The following KIAA0825 variants were observed in gnomAD, a reference collection of about 807,000 sequenced individuals.
KIAA0825 encodes the protein KIAA0825.
Under a neutral mutation model 147.6 loss-of-function variants are expected in KIAA0825, and 119 were observed. The observed-to-expected ratio is 0.81, with a 90% confidence interval of 0.69 to 0.94. The LOEUF is 0.94. Ranked by LOEUF, KIAA0825 falls within the 40% of genes least tolerant of loss-of-function variation. The probability of loss-of-function intolerance (pLI) is 0.00; values close to 1 mark genes in which losing one functional copy is unlikely to be tolerated. For missense variants in KIAA0825, 1,381 were observed against 1,472.7 expected (o/e 0.94, Z 1.02); for synonymous variants, 470 against 518.1 (o/e 0.91, Z 1.26).
rs533008346 is a variant in KIAA0825, at chr5:94,528,425, A to T, written c.132-4327T>A. On this transcript the variant is annotated intron_variant, in intron 3 of 20. Transcript: ENST00000682413. ...TGAGAATGGCTCTTCAATGGTCCAG[A>T]TGCTTTACTCTGGCCATTCACACCT... 2.4e-4 allele frequency among the ~76,000 whole-genome samples: 36 copies of T among 152,322 alleles called. 1 individual carries two copies. In the East Asian group the frequency reaches 6.7e-3, roughly 29 times the overall value.
intron 20 of KIAA0825, among the ~76,000 whole-genome samples, chr5:94,177,275 T>C (rs1338109135): frequency 6.6e-6 from 1 of 152,090 alleles, no homozygotes; most frequent in Non-Finnish European, 1.5e-5. Flanking sequence ...CATCATTAAC[T>C]TTAAATTCTA....
In KIAA0825 at chr5:94,452,978, A is replaced by C. The variant is rs182850074; in HGVS notation, c.2338T>G (p.Phe780Val). 12 of 1,518,734 alleles carry C rather than the reference A, an allele frequency of 7.9e-6. No individual in the cohort carries two copies. Among genetic ancestry groups the C allele is most frequent in the Non-Finnish European group, 9.7e-6 (11 of 1,130,570 alleles). The allele number at this position is 1,518,734 out of a possible 1,614,324, so 94.1% of individuals were successfully genotyped here. A position where few individuals can be genotyped will look rare whatever the true frequency, so the allele number is the denominator to read the frequency against. Residue 780 changes from phenylalanine (F) to valine (V), a missense_variant, in exon 13 of 21, where the codon TTC becomes GTC. Physicochemically the swap from Phe to Val is conservative, Grantham distance 50. Transcript: ENST00000682413. ...PLYWVSCISH[F>V]YPSLLRTPSA... Reference sequence around the variant, plus strand: ...TCTCACCTGAGTAAAGAAGGGTAGAAATGTGATATGCAAGAAACCCAATAT... The same window carrying C: ...TCTCACCTGAGTAAAGAAGGGTAGACATGTGATATGCAAGAAACCCAATAT...
chr5:94,204,313 T>C (rs1439788990), intron 20 of KIAA0825, among the ~76,000 whole-genome samples: 3 of 152,160 alleles, frequency 2.0e-5, no homozygotes, highest in Non-Finnish European at 4.4e-5. Flanking sequence ...CAAGTTCACA[T>C]TAAAGTAGTT....
chr5:94,574,341 G>A (rs1164679479), intron 2 of KIAA0825, among the ~76,000 whole-genome samples: 2 of 151,932 alleles, frequency 1.3e-5, no homozygotes, highest in Admixed American at 6.6e-5. Flanking sequence ...TCAGGAGTTC[G>A]AGACCAGTCT....
intron 20 of KIAA0825, among the ~76,000 whole-genome samples, chr5:94,263,667 T>C (rs993856349): frequency 6.6e-5 from 10 of 151,792 alleles, no homozygotes; most frequent in African/African-American, 9.7e-5. Context: ...CTCTCTCTCT[T>C]TTTTTTTGCA....
At chr5:94,439,712 C>T (rs114009924) in intron 14 of KIAA0825, among the ~76,000 whole-genome samples, 280 of 152,164 alleles carry the variant, frequency 1.8e-3, no homozygotes, top group African/African-American at 6.2e-3. Flanking sequence ...TCAAACCCTG[C>T]GTATTGATAC....
chr5:94,211,636 G>A (rs966930257), intron 20 of KIAA0825, among the ~76,000 whole-genome samples: 1 of 152,084 alleles, frequency 6.6e-6, no homozygotes, highest in African/African-American at 2.4e-5. Flanking sequence ...GATTATTAAA[G>A]TAAGATCTAT....
chr5:94,394,275 T>C (rs1207442667), intron 17 of KIAA0825, among the ~76,000 whole-genome samples: 2 of 152,224 alleles, frequency 1.3e-5, no homozygotes, highest in Admixed American at 6.5e-5. Flanking sequence ...AAAATAACTT[T>C]AAAACTGCAC....
chr5:94,577,229 A>C (rs1220960163), intron 2 of KIAA0825, among the ~76,000 whole-genome samples: 1 of 152,198 alleles, frequency 6.6e-6, no homozygotes, highest in Non-Finnish European at 1.5e-5. Context: ...AAAATCCAGA[A>C]GAGATATTTT....
At chr5:94,163,155 G>T (rs548699569) in intron 20 of KIAA0825, among the ~76,000 whole-genome samples, 182 of 152,182 alleles carry the variant, frequency 1.2e-3, no homozygotes, top group Middle Eastern at 6.8e-3. Flanking sequence ...TGAGATAGTG[G>T]TATAAAGAAA....
At chr5:94,517,409 T>C (rs1053133266) in intron 5 of KIAA0825, among the ~76,000 whole-genome samples, 5 of 151,810 alleles carry the variant, frequency 3.3e-5, no homozygotes, top group African/African-American at 9.7e-5. Context: ...ATTAGACAGA[T>C]AGATAGATAG....
At chr5:94,565,094 C>T (rs1277042456) in intron 2 of KIAA0825, among the ~76,000 whole-genome samples, 41 of 51,846 alleles carry the variant, frequency 7.9e-4, no homozygotes, top group Middle Eastern at 0.011. Flanking sequence ...TTCTTGCTTT[C>T]CTTTTTTTTT....
intron 19 of KIAA0825, 43 bp from the exon 20 acceptor site, chr5:94,384,501 T>C (rs1430817880): frequency 1.4e-6 from 2 of 1,438,428 alleles, no homozygotes; most frequent in Non-Finnish European, 9.6e-7. Context: ...TAGTTATTAA[T>C]CAGAGTTAAT....
intron 20 of KIAA0825, among the ~76,000 whole-genome samples, chr5:94,313,755 C>T (rs888977271): frequency 6.6e-6 from 1 of 151,500 alleles, no homozygotes; most frequent in East Asian, 1.9e-4. Context: ...GCTAAACTCT[C>T]AAAGGTACTG....
intron 20 of KIAA0825, among the ~76,000 whole-genome samples, chr5:94,319,024 A>G (rs1779917863): frequency 6.6e-6 from 1 of 152,060 alleles, no homozygotes; most frequent in Middle Eastern, 3.4e-3. Flanking sequence ...TGTAGATGAT[A>G]GCACCAGGCT....
chr5:94,291,236 A>G (rs1234990449), intron 20 of KIAA0825, among the ~76,000 whole-genome samples: 1 of 151,954 alleles, frequency 6.6e-6, no homozygotes, highest in Non-Finnish European at 1.5e-5. Flanking sequence ...TAGGGTTTTT[A>G]TGGTTTTAGG....
Position 94,230,948 on chromosome 5 carries a change from T to G in KIAA0825, c.3711-76824A>C, listed in dbSNP as rs1202045292. 2.0e-5 allele frequency among the ~76,000 whole-genome samples: 3 copies of G among 152,160 alleles called. 1 individual carries two copies. The highest frequency in any genetic ancestry group is 7.2e-5 in the African/African-American group (3 of 41,442). On this transcript the variant is annotated intron_variant, in intron 20 of 20. Transcript: ENST00000682413. ...AATTGTTGTAGCCTCCAAATAGATA[T>G]TGATGCCATGAAGCCACAGGTGTTC...
intron 1 of KIAA0825, among the ~76,000 whole-genome samples, chr5:94,613,842 G>A (rs568148004): frequency 1.3e-5 from 2 of 152,260 alleles, no homozygotes; most frequent in Admixed American, 6.5e-5. Context: ...GAGGTGAGAG[G>A]GAGGCTAACG....
At chr5:94,268,084 CAG>C (rs1326993852) in intron 20 of KIAA0825, among the ~76,000 whole-genome samples, 1 of 151,692 alleles carries the variant, frequency 6.6e-6, no homozygotes, top group Non-Finnish European at 1.5e-5. Context: ...GAAAAAAAAA[CAG>C]AAGCAAGATT....
Sources: gnomAD v4.1 joint callset for allele counts (sites outside exome capture counted in the v4.1 genomes callset) on GRCh38, gnomAD v4.1.1 for gene constraint, MANE v1.5 for transcripts, NCBI Gene and HGNC (gene_info 2026-07-23, HGNC 2026-07-21) for gene names.